Variants in SAMD11 observed in about 807,000 individuals in gnomAD.
The protein encoded by SAMD11 is sterile alpha motif domain containing 11, also known as sterile alpha motif domain-containing protein 11.
In SAMD11, 77 loss-of-function variants were observed where a neutral mutation model predicts 64.4. The ratio of observed to expected loss-of-function variants is 1.20; its 90% CI spans 0.99 to 1.44. SAMD11 has a LOEUF of 1.44. SAMD11 is among the 40% of genes most tolerant of loss of function. The pLI is 0.00. For synonymous variants in SAMD11, 658 were observed against 421.9 expected (o/e 1.56, Z -6.86); for missense variants, 1,402 against 943.3 (o/e 1.49, Z -6.37).
chr1:926,368 C>T (rs894286758), intron 2 of SAMD11, among the ~76,000 whole-genome samples: 1 of 152,234 alleles, frequency 6.6e-6, no homozygotes, highest in African/African-American at 2.4e-5. Context: ...GCCCTGTCAC[C>T]GCTTGGGGGT....
chr1:939,440 C>T (rs1228447598), intron 7 of SAMD11, 28 bp downstream of exon 7: 5 of 1,435,584 alleles, frequency 3.5e-6, no homozygotes, highest in Non-Finnish European at 4.8e-6. Flanking sequence ...CATGATCCCC[C>T]TCATCACCTC....
chr1:931,188 C>A, intron 4 of SAMD11, 99 bp downstream of exon 4: 2 of 1,061,334 alleles, frequency 1.9e-6, no homozygotes, highest in Non-Finnish European at 2.8e-6. Context: ...GCTGTCTCAG[C>A]GTGAGCTGAT....
At position 935,817 on chromosome 1, in the gene SAMD11, C is replaced by T. The variant is rs1641403206; in HGVS notation, c.888C>T (p.Ser296=). ...LPTLISSVHR[S]RHLVMPEHQS... is the part of the protein sequence containing the mutation. ...CCCTCATATCCAGCGTCCACCGCAG[C>T]CGCCACCTCGTTATGCCCGAGCATC... The change falls in exon 5 of 14, where the codon AGC becomes AGT. Residue 296 remains serine (S), a synonymous_variant. Transcript: ENST00000616016. 9 of 1,613,494 alleles carry T rather than the reference C, an allele frequency of 5.6e-6. No homozygotes were observed. Among genetic ancestry groups the T allele is most frequent in the South Asian group, 1.1e-5 (1 of 91,078 alleles).
At chr1:930,366 G>T (rs111954410) in intron 3 of SAMD11, 30 bp downstream of exon 3, 7 of 1,569,352 alleles carry the variant, frequency 4.5e-6, no homozygotes, top group Admixed American at 1.8e-5. Context: ...ACAGGAAGGC[G>T]CAAGGCTCAG....
At chr1:928,554 C>T (rs965091002) in intron 2 of SAMD11, among the ~76,000 whole-genome samples, 13 of 152,262 alleles carry the variant, frequency 8.5e-5, no homozygotes, top group African/African-American at 1.2e-4. Flanking sequence ...AGCTGACACG[C>T]GGAGGCCCGG....
rs549371765 is a variant in SAMD11 at position 936,588 on chromosome 1, C to T, written c.967+692C>T. 2.1e-3 allele frequency among the ~76,000 whole-genome samples: 319 copies of T among 152,246 alleles called. 2 individuals are homozygous for T. Among genetic ancestry groups the T allele is most frequent in the African/African-American group, 7.0e-3 (291 of 41,550 alleles). On this transcript the variant is annotated intron_variant, in intron 5 of 13. Transcript: ENST00000616016. ...GAGAGGGGCACAGCAGAGCCTCAGC[C>T]CCAGGGCAGGCCGTGAAAGGAGGCG... is the stretch of plus-strand genomic sequence containing the variant.
At position 944,157 on chromosome 1, in the gene SAMD11, T is replaced by C. The variant is rs200862548; in HGVS notation, c.*4T>C. 37 of 1,543,384 alleles carry C rather than the reference T, an allele frequency of 2.4e-5. No homozygotes were observed. Among genetic ancestry groups the C allele is most frequent in the Non-Finnish European group, 3.0e-5 (34 of 1,143,504 alleles). ...CCCTTCCCAGCCTCTGTGTTGAGGT[T>C]GCCGGGGGTAGGGGTGGGGCCACAC... On this transcript the variant is annotated 3_prime_UTR_variant, in exon 14 of 14. Transcript: ENST00000616016.
rs754681094 is a variant in SAMD11, at chr1:931,055, G to A, written c.808G>A (p.Asp270Asn). 3 of 1,612,982 alleles carry A rather than the reference G, an allele frequency of 1.9e-6. No individual in the cohort carries two copies. Among genetic ancestry groups the A allele is most frequent in the Non-Finnish European group, 2.5e-6 (3 of 1,179,708 alleles). Reference sequence around the variant, plus strand: ...TTCCTGCAGAGTCCACACCCACTGGGACGTGAACATCTCTTTCCGAGAGGC... The same window carrying A: ...TTCCTGCAGAGTCCACACCCACTGGAACGTGAACATCTCTTTCCGAGAGGC... The part of the protein sequence containing the change: ...IMKRRVHTHW[D>N]VNISFREASC... Residue 270 changes from aspartate (D) to asparagine (N), a missense_variant, in exon 4 of 14, where the codon GAC (aspartate) becomes AAC (asparagine). Transcript: ENST00000616016.
intron 5 of SAMD11, among the ~76,000 whole-genome samples, chr1:938,198 G>A (rs1462473823): frequency 1.3e-5 from 2 of 152,202 alleles, no homozygotes; most frequent in Non-Finnish European, 2.9e-5. Flanking sequence ...CAGGACCCAA[G>A]GGAGGACCTC....
intron 1 of SAMD11, among the ~76,000 whole-genome samples, chr1:925,567 C>G (rs1428903088): frequency 1.3e-5 from 2 of 152,102 alleles, no homozygotes; most frequent in South Asian, 2.1e-4. Flanking sequence ...CCGCGCAGGC[C>G]GAGGGTCCCG....
intron 11 of SAMD11, 97 bp downstream of exon 11, chr1:943,155 C>A: frequency 1.3e-6 from 2 of 1,589,404 alleles, no homozygotes; most frequent in African/African-American, 1.3e-5. Flanking sequence ...CCCTTAGGCA[C>A]CCATCCCCCA....
At chr1:941,405 TGTTCAGCTCTAG>T in intron 8 of SAMD11, 99 bp downstream of exon 8, 1 of 1,220,170 alleles carries the variant, frequency 8.2e-7, no homozygotes, top group Non-Finnish European at 1.1e-6. Flanking sequence ...CCAAGCACTG[TGTTCAGCTCTAG>T]GTTCGGGTCC....
chr1:943,892 GGCCATCTCTCT>G lies in SAMD11; in HGVS notation c.2290-13_2290-3del, dbSNP rs1641985631. 1 of 1,612,892 alleles carries G rather than the reference GGCCATCTCTCT, an allele frequency of 6.2e-7. No individual in the cohort carries two copies. The highest frequency in any genetic ancestry group is 1.3e-5 in the African/African-American group (1 of 74,930). ...GGTGGGTGTGCGACAGCCCCCACCA[GGCCATCTCTCT>G]GCAGGTGGCCAGGCGCCTGGGCCGA... On this transcript the variant is annotated splice_polypyrimidine_tract_variant and splice_region_variant and intron_variant, in intron 13 of 13. Transcript: ENST00000616016.
chr1:941,450 C>T (rs1641761482), intron 8 of SAMD11, 144 bp downstream of exon 8: 4 of 849,310 alleles, frequency 4.7e-6, no homozygotes, highest in Non-Finnish European at 7.0e-6. Context: ...TCGGGGGTGA[C>T]ACCGATCTGG....
At position 942,254 on chromosome 1, in the gene SAMD11, GA is replaced by G; in HGVS notation, c.1474+4del. The G allele has an allele frequency of 8.3e-7, 1 of 1,209,748 alleles. No homozygotes were observed. Among genetic ancestry groups the G allele is most frequent in the Non-Finnish European group, 1.1e-6 (1 of 920,504 alleles). 74.9% of individuals were successfully genotyped at this position (1,209,748 alleles called of 1,614,324 possible). A position where few individuals can be genotyped will look rare whatever the true frequency, so the allele number is the denominator to read the frequency against. The stretch of plus-strand genomic sequence containing the variant: ...CTCGGCTCTGTGCCAGACCCCAGGT[GA>G]GGAGGCGGGTGCGCATCCCCTGGGA... On this transcript the variant is annotated splice_donor_region_variant and intron_variant, in intron 9 of 13. Transcript: ENST00000616016.
At chr1:925,598 G>A (rs1205365648) in intron 1 of SAMD11, 1 of 235,714 alleles carries the variant, frequency 4.2e-6, no homozygotes, top group Non-Finnish European at 8.3e-6. Context: ...TCACCGCTCC[G>A]GGACTCAGCC....
chr1:927,919 G>C (rs574643973), intron 2 of SAMD11, among the ~76,000 whole-genome samples: 1 of 152,232 alleles, frequency 6.6e-6, no homozygotes, highest in African/African-American at 2.4e-5. Context: ...CTGGGGTGCC[G>C]GTGTGTCCCC....
At chr1:940,934 T>C in intron 7 of SAMD11, 1 of 516,958 alleles carries the variant, frequency 1.9e-6, no homozygotes, top group Non-Finnish European at 3.4e-6. Context: ...GGGGAAGAGC[T>C]TTTCCCGACA....
chr1:941,943 G>A (rs1043741920), intron 8 of SAMD11, among the ~76,000 whole-genome samples, 193 bp from the exon 9 acceptor site: 1 of 152,174 alleles, frequency 6.6e-6, no homozygotes, highest in African/African-American at 2.4e-5. Context: ...CCGGGTCAGC[G>A]CCTCCGCGCC....
Sources: gnomAD v4.1 joint callset for allele counts (sites outside exome capture counted in the v4.1 genomes callset) on GRCh38, gnomAD v4.1.1 for gene constraint, MANE v1.5 for transcripts, NCBI Gene and HGNC (gene_info 2026-07-23, HGNC 2026-07-21) for gene names.